MAPDA: variants seen among roughly 807,000 people sequenced by gnomAD.
The protein encoded by MAPDA is N6-Methyl-AMP deaminase, also known as N6,N6-dimethyl-AMP deaminase.
chr15:43,345,947 A>C, the MAPDA span: 1 of 1,614,180 alleles, frequency 6.2e-7, no homozygotes, highest in Non-Finnish European at 8.5e-7. Context: ...CTGAGGGTAC[A>C]GTTCTTGGCC....
At chr15:43,346,047 C>T in the MAPDA span, 45 of 1,593,028 alleles carry the variant, frequency 2.8e-5, no homozygotes, top group African/African-American at 4.3e-4. Flanking sequence ...GGACTAGCTT[C>T]GGGCATCTTG....
the MAPDA span, chr15:43,353,283 A>C: frequency 6.6e-6 from 1 of 152,068 alleles, no homozygotes; most frequent in African/African-American, 2.4e-5. Flanking sequence ...AAAAAAACAA[A>C]CAAACAAACA....
At chr15:43,333,049 A>G in the MAPDA span, among the ~76,000 whole-genome samples, 4 of 152,058 alleles carry the variant, frequency 2.6e-5, no homozygotes, top group African/African-American at 4.8e-5. Context: ...GGGTCAGTAA[A>G]TTTACTCACA....
chr15:43,343,089 A>T, the MAPDA span: 1 of 1,513,350 alleles, frequency 6.6e-7, no homozygotes, highest in Non-Finnish European at 8.9e-7. Flanking sequence ...AGAAGATTGT[A>T]CCTTAGTAGT....
chr15:43,335,285 G>A, the MAPDA span: 1 of 1,111,256 alleles, frequency 9.0e-7, no homozygotes, highest in Non-Finnish European at 1.3e-6. Flanking sequence ...CTGAAATTCT[G>A]GCGCTTTGGG....
At chr15:43,348,805 A>G in the MAPDA span, 14 of 1,260,510 alleles carry the variant, frequency 1.1e-5, no homozygotes, top group Non-Finnish European at 1.3e-5. Flanking sequence ...AAAGGTCTGC[A>G]TTAAGTACTA....
the MAPDA span, chr15:43,351,433 CA>C: frequency 3.0e-6 from 1 of 338,046 alleles, no homozygotes; most frequent in Non-Finnish European, 5.3e-6. Flanking sequence ...TAAAAACAAA[CA>C]AAAAAACTGA....
chr15:43,354,126 CT>C, the MAPDA span: 1 of 152,186 alleles, frequency 6.6e-6, no homozygotes, highest in African/African-American at 2.4e-5. Context: ...CTGGTATCTG[CT>C]GCAAAATTGA....
At chr15:43,343,001 TA>T in the MAPDA span, 1 of 1,577,718 alleles carries the variant, frequency 6.3e-7, no homozygotes, top group Non-Finnish European at 8.6e-7. Context: ...TAGGAATGAC[TA>T]AAAAGACTTA....
the MAPDA span, chr15:43,330,486 C>T: frequency 5.0e-5 from 76 of 1,519,304 alleles, no homozygotes; most frequent in Non-Finnish European, 6.2e-5. Flanking sequence ...CTCCGGGGGC[C>T]CATGGCCAGA....
the MAPDA span, chr15:43,351,675 ACT>A: frequency 7.3e-7 from 1 of 1,374,332 alleles, no homozygotes; most frequent in Non-Finnish European, 9.7e-7. Flanking sequence ...AGGAAAATAG[ACT>A]CTAAACAAAA....
the MAPDA span, chr15:43,351,707 A>ATCCT: frequency 6.7e-7 from 1 of 1,486,950 alleles, no homozygotes; most frequent in Non-Finnish European, 9.0e-7. Context: ...TTTTTGAAAA[A>ATCCT]TCCTTCCTTT....
At chr15:43,345,093 G>T in the MAPDA span, among the ~76,000 whole-genome samples, 3 of 151,986 alleles carry the variant, frequency 2.0e-5, no homozygotes, top group African/African-American at 4.8e-5. Context: ...GGTGGTTCAC[G>T]CCTGTAATCC....
chr15:43,335,866 C>T, the MAPDA span: 1 of 1,585,710 alleles, frequency 6.3e-7, no homozygotes. Context: ...CTTTTTTTCT[C>T]TATCAGTATT....
chr15:43,335,173 G>A, the MAPDA span: 9 of 1,613,538 alleles, frequency 5.6e-6, no homozygotes, highest in Non-Finnish European at 7.6e-6. Flanking sequence ...CAAAAGTGGT[G>A]AGAATTCAAC....
the MAPDA span, chr15:43,330,616 C>A: frequency 8.8e-7 from 1 of 1,130,876 alleles, no homozygotes; most frequent in South Asian, 2.0e-5. Context: ...CTTCCGCCGG[C>A]ACTTGTGCGT....
At chr15:43,347,014 A>G in the MAPDA span, 1 of 1,612,996 alleles carries the variant, frequency 6.2e-7, no homozygotes. Context: ...TTTATCTTTA[A>G]GGTAGGACAA....
the MAPDA span, among the ~76,000 whole-genome samples, chr15:43,343,747 T>G: frequency 4.6e-5 from 7 of 152,054 alleles, no homozygotes; most frequent in African/African-American, 1.4e-4. Context: ...GATTCACCAC[T>G]ACATCTTTAG....
the MAPDA span, chr15:43,350,921 T>C: frequency 6.5e-7 from 1 of 1,543,196 alleles, no homozygotes; most frequent in Non-Finnish European, 8.8e-7. Flanking sequence ...ATAAGAGGTT[T>C]TTTTCCCCTT....
Sources: allele counts gnomAD v4.1 joint callset (sites outside exome capture counted in the v4.1 genomes callset), GRCh38; gene constraint gnomAD v4.1.1; transcripts MANE v1.5; gene names NCBI Gene and HGNC (gene_info 2026-07-23, HGNC 2026-07-21).